PPM1E: variants seen among roughly 807,000 people sequenced by gnomAD.
The protein encoded by PPM1E is protein phosphatase 1E.
In PPM1E, 20 loss-of-function variants were observed where a neutral mutation model predicts 65.9. The observed-to-expected ratio is 0.30, with a 90% CI of 0.21 to 0.44. PPM1E has a LOEUF of 0.44. PPM1E is among the 20% of genes least tolerant of loss of function. PPM1E has a pLI of 1.00. For synonymous variants in PPM1E, 352 were observed against 374.9 expected (o/e 0.94, Z 0.70); for missense variants, 713 against 953.1 (o/e 0.75, Z 3.32).
At chr17:58,906,907 T>A (rs1272731274) in intron 1 of PPM1E, among the ~76,000 whole-genome samples, 1 of 152,232 alleles carries the variant, frequency 6.6e-6, no homozygotes, top group Admixed American at 6.5e-5. Context: ...TTTAAATTTC[T>A]CTTGAAAATT....
At chr17:58,880,695 C>T (rs2143387653) in intron 1 of PPM1E, among the ~76,000 whole-genome samples, 3 of 152,264 alleles carry the variant, frequency 2.0e-5, no homozygotes, top group East Asian at 3.9e-4. Flanking sequence ...ACGATCTCGG[C>T]TCACTGCAGC....
At chr17:58,853,843 G>C (rs758514606) in intron 1 of PPM1E, among the ~76,000 whole-genome samples, 29 of 152,054 alleles carry the variant, frequency 1.9e-4, no homozygotes, top group Admixed American at 1.5e-3. Context: ...AAAAAGAAAA[G>C]AAAGTGTGAA....
At chr17:58,816,762 A>T (rs1264093309) in intron 1 of PPM1E, among the ~76,000 whole-genome samples, 4 of 15,608 alleles carry the variant, frequency 2.6e-4, no homozygotes, top group African/African-American at 1.8e-3. Flanking sequence ...ATATATATAT[A>T]TATATATATA....
intron 1 of PPM1E, among the ~76,000 whole-genome samples, chr17:58,775,916 G>T (rs1387105129): frequency 1.6e-5 from 1 of 63,210 alleles, no homozygotes; most frequent in African/African-American, 6.1e-5. Context: ...GCGAGACTCC[G>T]TCTCAAAAAA....
intron 1 of PPM1E, among the ~76,000 whole-genome samples, chr17:58,952,204 C>A (rs1598672924): frequency 6.6e-6 from 1 of 152,248 alleles, no homozygotes; most frequent in African/African-American, 2.4e-5. Context: ...GACCATTGGA[C>A]TATTTCTTAG....
intron 1 of PPM1E, among the ~76,000 whole-genome samples, chr17:58,879,949 CATTAACAGGAGAAAAACATACAAATGT>C (rs1402642045): frequency 6.6e-6 from 1 of 152,162 alleles, no homozygotes; most frequent in East Asian, 1.9e-4. Flanking sequence ...TGACATAAGA[CATTAACAGGAGAAAAACATACAAATGT>C]ATTTAATACA....
intron 1 of PPM1E, among the ~76,000 whole-genome samples, chr17:58,837,863 A>G (rs1343282761): frequency 6.6e-6 from 1 of 152,220 alleles, no homozygotes; most frequent in East Asian, 1.9e-4. Flanking sequence ...TGTGCTGTTT[A>G]TAAAAGTTGG....
In PPM1E at chr17:58,831,637, A is replaced by T. The variant is rs115072627; in HGVS notation, c.464+75176A>T. Among the ~76,000 whole-genome samples the T allele has an allele frequency of 6.4e-3, 982 of 152,298 alleles. 6 individuals carry two copies. The highest frequency in any genetic ancestry group is 0.022 in the African/African-American group (920 of 41,556). On this transcript the variant is annotated intron_variant, in intron 1 of 6. Transcript: ENST00000308249. ...CTTCTCCTTATACCCGCTGTCTGAGATAGCTAGTATCTCCAGTTCCTTAGA... is the reference window on the plus strand; with the variant it reads ...CTTCTCCTTATACCCGCTGTCTGAGTTAGCTAGTATCTCCAGTTCCTTAGA...
intron 6 of PPM1E, among the ~76,000 whole-genome samples, chr17:58,974,317 T>G (rs1254808697): frequency 6.6e-6 from 1 of 152,208 alleles, no homozygotes; most frequent in Non-Finnish European, 1.5e-5. Context: ...GCATTGTGCT[T>G]TTTATATGAA....
intron 1 of PPM1E, among the ~76,000 whole-genome samples, chr17:58,827,834 G>A (rs1186226113): frequency 6.8e-5 from 10 of 147,778 alleles, no homozygotes; most frequent in African/African-American, 2.3e-4. Context: ...CCCGGGAGGC[G>A]GAGCTTGCAG....
intron 1 of PPM1E, among the ~76,000 whole-genome samples, chr17:58,905,931 C>T (rs931944466): frequency 1.3e-5 from 2 of 152,016 alleles, no homozygotes; most frequent in East Asian, 1.9e-4. Flanking sequence ...GTAGAATTCT[C>T]CAGTGAACCT....
intron 1 of PPM1E, among the ~76,000 whole-genome samples, chr17:58,893,179 A>G (rs1378469481): frequency 6.6e-6 from 1 of 152,224 alleles, no homozygotes; most frequent in African/African-American, 2.4e-5. Context: ...AACTTTATTC[A>G]TAATTATCAC....
intron 1 of PPM1E, among the ~76,000 whole-genome samples, chr17:58,903,877 A>G (rs2051524991): frequency 6.6e-6 from 1 of 152,246 alleles, no homozygotes; most frequent in South Asian, 2.1e-4. Context: ...TTAGAAAAGT[A>G]ATCTAATATT....
intron 1 of PPM1E, among the ~76,000 whole-genome samples, chr17:58,765,948 T>C (rs1330555641): frequency 6.7e-6 from 1 of 148,396 alleles, no homozygotes; most frequent in Non-Finnish European, 1.5e-5. Context: ...TGGCCCAGTC[T>C]CGGCGCACTG....
chr17:58,762,047 C>A (rs1187655915), intron 1 of PPM1E, among the ~76,000 whole-genome samples: 1 of 152,120 alleles, frequency 6.6e-6, no homozygotes, highest in Non-Finnish European at 1.5e-5. Flanking sequence ...GTGCAAATTC[C>A]ACAGCTTATG....
In PPM1E at chr17:58,985,171, TA is replaced by T. The variant is rs2031682391; in HGVS notation, c.*4145del. On this transcript the variant is annotated 3_prime_UTR_variant, in exon 7 of 7. Coordinates refer to ENST00000308249, the MANE Select transcript of PPM1E (RefSeq NM_014906.5). The stretch of plus-strand genomic sequence containing the variant: ...ATTATCTTAATAAAACCTGGCAATT[TA>T]AAAACCACTAGTCATTTGTCTTTTT... 1 of 152,666 alleles carries T rather than the reference TA, an allele frequency of 6.6e-6. No homozygotes were observed. Among genetic ancestry groups the T allele is most frequent in the Non-Finnish European group, 1.5e-5 (1 of 68,048 alleles). The allele number at this position is 152,666 out of a possible 1,614,324, so 9.5% of individuals were successfully genotyped here.
At chr17:58,844,429 T>C (rs540887700) in intron 1 of PPM1E, among the ~76,000 whole-genome samples, 5 of 152,300 alleles carry the variant, frequency 3.3e-5, no homozygotes, top group Admixed American at 2.0e-4. Context: ...TATAAAGGGA[T>C]AACTTTTCAG....
chr17:58,955,783 C>T lies in PPM1E; in HGVS notation c.583+16C>T. On this transcript the variant is annotated intron_variant, in intron 2 of 6. Transcript: ENST00000308249. ...GGGACTGTGGGTGAGTACCTTTCTA[C>T]ATTATTTGTTTAAAAATACTAGAAT... is the stretch of plus-strand genomic sequence containing the variant. 1 of 1,566,020 alleles carries T rather than the reference C, an allele frequency of 6.4e-7. No individual in the cohort carries two copies. Among genetic ancestry groups the T allele is most frequent in the Non-Finnish European group, 8.6e-7 (1 of 1,164,622 alleles).
At chr17:58,900,709 AC>A (rs1285994226) in intron 1 of PPM1E, among the ~76,000 whole-genome samples, 1 of 152,084 alleles carries the variant, frequency 6.6e-6, no homozygotes, top group African/African-American at 2.4e-5. Context: ...AGTTTCTTTA[AC>A]CTGTTCCCTT....
Sources: gnomAD v4.1 joint callset for allele counts (sites outside exome capture counted in the v4.1 genomes callset) on GRCh38, gnomAD v4.1.1 for gene constraint, MANE v1.5 for transcripts, NCBI Gene and HGNC (gene_info 2026-07-23, HGNC 2026-07-21) for gene names.